Variants in PTPRM observed in about 807,000 individuals in gnomAD.
The protein encoded by PTPRM is protein tyrosine phosphatase receptor type M, also known as receptor-type tyrosine-protein phosphatase mu.
Under a neutral mutation model 186.7 loss-of-function variants are expected in PTPRM, and 47 were observed. The ratio of observed to expected loss-of-function variants is 0.25; its 90% CI spans 0.20 to 0.32. The LOEUF is 0.32. Ranked by LOEUF, PTPRM falls within the 10% of genes least tolerant of loss-of-function variation. PTPRM has a pLI of 1.00. For missense variants in PTPRM, 1,494 were observed against 1,865.0 expected (o/e 0.80, Z 3.66); for synonymous variants, 668 against 674.9 (o/e 0.99, Z 0.16).
intron 2 of PTPRM, among the ~76,000 whole-genome samples, chr18:7,839,632 G>C (rs1242810713): frequency 6.6e-6 from 1 of 152,336 alleles, no homozygotes; most frequent in East Asian, 1.9e-4. Flanking sequence ...CTCTGTTGGA[G>C]CCACAAGCTG....
chr18:7,963,685 T>C (rs1177758569), intron 7 of PTPRM, among the ~76,000 whole-genome samples: 1 of 152,234 alleles, frequency 6.6e-6, no homozygotes, highest in Non-Finnish European at 1.5e-5. Flanking sequence ...GCTGTCCCTC[T>C]AATGAGCCAT....
chr18:7,591,851 G>A (rs549822489), intron 1 of PTPRM, among the ~76,000 whole-genome samples: 1 of 152,318 alleles, frequency 6.6e-6, no homozygotes, highest in East Asian at 1.9e-4. Context: ...TAAGGGAGGT[G>A]AATTCAGCAC....
chr18:7,893,808 C>T (rs2049201565), intron 3 of PTPRM, among the ~76,000 whole-genome samples: 1 of 152,104 alleles, frequency 6.6e-6, no homozygotes, highest in Admixed American at 6.5e-5. Context: ...AGAGAAATGT[C>T]AGCAGGAAAC....
chr18:8,105,464 G>T (rs1033593031), intron 11 of PTPRM, among the ~76,000 whole-genome samples: 1 of 152,280 alleles, frequency 6.6e-6, no homozygotes, highest in South Asian at 2.1e-4. Flanking sequence ...TTTAAAAATG[G>T]CAGAGGAAGA....
At chr18:8,387,320 C>T in intron 31 of PTPRM, 85 bp downstream of exon 31, 1 of 1,364,826 alleles carries the variant, frequency 7.3e-7, no homozygotes, top group Non-Finnish European at 1.0e-6. Context: ...TTTTGTTTCA[C>T]TAGAAATGGA....
intron 2 of PTPRM, among the ~76,000 whole-genome samples, chr18:7,775,964 A>G (rs993413483): frequency 6.6e-6 from 1 of 152,144 alleles, no homozygotes; most frequent in Non-Finnish European, 1.5e-5. Flanking sequence ...TTAAAATCAT[A>G]GGTTTCTAGC....
chr18:8,082,870 T>C lies in PTPRM; in HGVS notation c.1552-2801T>C, dbSNP rs138718036. 7.9e-3 allele frequency among the ~76,000 whole-genome samples: 1,204 copies of C among 152,166 alleles called. 22 individuals carry two copies. The highest frequency in any genetic ancestry group is 0.027 in the African/African-American group (1,134 of 41,526). On this transcript the variant is annotated intron_variant, in intron 9 of 32. Transcript: ENST00000580170. ...TTCCAACTTAGTATGTCCACCTGTGTCTGTAAATTTCTCCTCATATGTTCC... is the reference window on the plus strand; with the variant it reads ...TTCCAACTTAGTATGTCCACCTGTGCCTGTAAATTTCTCCTCATATGTTCC...
chr18:8,059,378 T>C (rs1459752249), intron 7 of PTPRM, among the ~76,000 whole-genome samples: 1 of 72,302 alleles, frequency 1.4e-5, no homozygotes, highest in Non-Finnish European at 2.7e-5. Context: ...GTTTTCTAGA[T>C]AAACAATCAT....
intron 14 of PTPRM, among the ~76,000 whole-genome samples, chr18:8,206,666 G>A (rs1217574006): frequency 6.6e-6 from 1 of 152,190 alleles, no homozygotes; most frequent in African/African-American, 2.4e-5. Flanking sequence ...AAGAGGAGAT[G>A]CAGATGATCA....
intron 1 of PTPRM, among the ~76,000 whole-genome samples, chr18:7,624,780 G>A (rs756944862): frequency 3.3e-5 from 5 of 152,318 alleles, no homozygotes; most frequent in South Asian, 2.1e-4. Context: ...CTCGCCATCA[G>A]ATTCTGCTTT....
At chr18:8,152,012 T>A (rs1196448170) in intron 14 of PTPRM, among the ~76,000 whole-genome samples, 3 of 152,158 alleles carry the variant, frequency 2.0e-5, no homozygotes, top group African/African-American at 4.8e-5. Context: ...CCCAATTTGA[T>A]GAACCATATA....
chr18:7,834,421 ATATGTAAATATAAGTATG>A (rs2045917328), intron 2 of PTPRM, among the ~76,000 whole-genome samples: 1 of 18,862 alleles, frequency 5.3e-5, no homozygotes, highest in Non-Finnish European at 9.0e-5. Context: ...TAATATATGT[ATATGTAAATATAAGTATG>A]TATATGTAAA....
At chr18:8,212,275 G>A (rs2094016494) in intron 14 of PTPRM, among the ~76,000 whole-genome samples, 1 of 152,156 alleles carries the variant, frequency 6.6e-6, no homozygotes, top group Non-Finnish European at 1.5e-5. Context: ...TCCAAGGAGA[G>A]AATGTTGTGT....
chr18:7,626,341 C>T (rs771120112), intron 1 of PTPRM, among the ~76,000 whole-genome samples: 1 of 152,190 alleles, frequency 6.6e-6, no homozygotes, highest in Non-Finnish European at 1.5e-5. Context: ...GATCTTTGGA[C>T]TTTAGCAGAC....
chr18:8,123,600 T>A (rs528028848), intron 13 of PTPRM, among the ~76,000 whole-genome samples: 44 of 152,354 alleles, frequency 2.9e-4, no homozygotes, highest in African/African-American at 8.2e-4. Context: ...AGTATTTCTT[T>A]TCCTGATTGA....
At chr18:7,589,657 C>T (rs73941936) in intron 1 of PTPRM, among the ~76,000 whole-genome samples, 4,176 of 152,256 alleles carry the variant, frequency 0.027, 195 homozygotes, top group African/African-American at 0.096. Context: ...TTGGCAAATA[C>T]TGTATGTCTC....
At chr18:8,371,073 CTT>C in intron 24 of PTPRM, 67 bp downstream of exon 24, 5 of 926,004 alleles carry the variant, frequency 5.4e-6, no homozygotes. Flanking sequence ...GCCTCATTAA[CTT>C]ACCTAGGATA....
Position 7,610,599 on chromosome 18 carries a change from C to T in PTPRM, c.73+42708C>T, listed in dbSNP as rs895682482. On this transcript the variant is annotated intron_variant, in intron 1 of 32. Coordinates refer to ENST00000580170, the MANE Select transcript of PTPRM (RefSeq NM_001105244.2). The stretch of plus-strand genomic sequence containing the variant: ...ACATGTATGAGGACACATATAATCC[C>T]ATACAATTATAATGGAGCTGAAAAC... Among the ~76,000 whole-genome samples the T allele has an allele frequency of 2.6e-5, 4 of 152,142 alleles. No individual in the cohort carries two copies. The East Asian group carries it at 7.7e-4, about 29-fold the overall frequency.
At chr18:7,981,465 G>A (rs1303381344) in intron 7 of PTPRM, among the ~76,000 whole-genome samples, 1 of 152,092 alleles carries the variant, frequency 6.6e-6, no homozygotes, top group African/African-American at 2.4e-5. Flanking sequence ...TTTCCTCCAT[G>A]GAGCCACTTA....
Sources: gnomAD v4.1 joint callset for allele counts (sites outside exome capture counted in the v4.1 genomes callset) on GRCh38, gnomAD v4.1.1 for gene constraint, MANE v1.5 for transcripts, NCBI Gene and HGNC (gene_info 2026-07-23, HGNC 2026-07-21) for gene names.